The following ZFAND2A variants were observed in gnomAD, a reference collection of about 807,000 sequenced individuals.
ZFAND2A encodes AN1-type zinc finger protein 2A.
In ZFAND2A, 20 loss-of-function variants were observed where a neutral mutation model predicts 11.6. The observed-to-expected ratio is 1.72, with a 90% CI of 1.21 to 2.50. The LOEUF (loss-of-function observed/expected upper bound fraction) is 2.50. ZFAND2A is among the 30% of genes most tolerant of loss of function. The pLI, the probability that ZFAND2A is intolerant of heterozygous loss-of-function variation, is 0.00. For missense variants in ZFAND2A, 234 were observed against 182.9 expected (o/e 1.28, Z -1.61); for synonymous variants, 93 against 60.6 (o/e 1.54, Z -2.48).
In ZFAND2A at chr7:1,158,266, G is replaced by C. The variant is rs145317253; in HGVS notation, c.-45-9C>G. The C allele has an allele frequency of 2.0e-3, 3,049 of 1,538,742 alleles. 5 individuals are homozygous for C. The highest frequency in any genetic ancestry group is 6.4e-3 in the Middle Eastern group (38 of 5,898). On this transcript the variant is annotated splice_polypyrimidine_tract_variant and intron_variant, in intron 1 of 4. Transcript: ENST00000316495. ...GCGGAGTTAAGTGTCACCTACAAGA[G>C]AATCAGAATAGTTAGGAGGAAAGCT...
intron 4 of ZFAND2A, 33 bp from the exon 5 acceptor site, chr7:1,153,257 C>CT (rs754332202): frequency 1.2e-5 from 20 of 1,601,416 alleles, no homozygotes; most frequent in African/African-American, 5.4e-5. Context: ...ACAAGCAATT[C>CT]TTTTTTTGGA....
Position 1,157,760 on chromosome 7 carries a change from A to C in ZFAND2A, c.56-10T>G, listed in dbSNP as rs753755425. 6.5e-7 allele frequency: 1 copy of C among 1,540,376 alleles called. No homozygotes were observed. Among genetic ancestry groups the C allele is most frequent in the Non-Finnish European group, 8.7e-7 (1 of 1,145,286 alleles). On this transcript the variant is annotated splice_polypyrimidine_tract_variant and intron_variant, in intron 2 of 4. Transcript: ENST00000316495. ...TTTACTGGAAGAAAATCTAAAAAACAAAAAACAGGGAAGTGTTTTAACGAC... is the reference window on the plus strand; with the variant it reads ...TTTACTGGAAGAAAATCTAAAAAACCAAAAACAGGGAAGTGTTTTAACGAC...
In ZFAND2A at chr7:1,159,653, G is replaced by A. The variant is rs1158011263; in HGVS notation, c.-46+311C>T. 6.0e-5 allele frequency among the ~76,000 whole-genome samples: 3 copies of A among 50,280 alleles called. 1 individual carries two copies. Among genetic ancestry groups the A allele is most frequent in the African/African-American group, 2.5e-4 (3 of 12,196 alleles). The allele number at this position is 50,280 out of a possible 152,430, so 33.0% of individuals were successfully genotyped here. A position where few individuals can be genotyped will look rare whatever the true frequency, so the allele number is the denominator to read the frequency against. ...CAGCAGCCAGACCCCGGCAGGCCCG[G>A]TCCCCAGCAGACAGGCCGGACCCCC... On this transcript the variant is annotated intron_variant, in intron 1 of 4. Coordinates refer to ENST00000316495, the MANE Select transcript of ZFAND2A (RefSeq NM_182491.4).
downstream of ZFAND2A, among the ~76,000 whole-genome samples, chr7:1,148,987 A>G (rs1793350342): frequency 1.3e-5 from 2 of 151,544 alleles, no homozygotes; most frequent in Non-Finnish European, 1.5e-5. Flanking sequence ...TTTGAGAGAC[A>G]ACGTCTTACT....
chr7:1,152,697 T>C (rs1353367081), downstream of ZFAND2A, among the ~76,000 whole-genome samples: 2 of 151,848 alleles, frequency 1.3e-5, no homozygotes, highest in African/African-American at 4.8e-5. Context: ...AAGATGAAGG[T>C]GGAGACGGGG....
downstream of ZFAND2A, chr7:1,152,151 C>G: frequency 2.2e-6 from 3 of 1,385,368 alleles, 1 homozygote; most frequent in South Asian, 3.3e-5. Context: ...ACTGGAGCAT[C>G]GCGTCACACT....
chr7:1,150,581 G>A (rs1007168675), downstream of ZFAND2A, among the ~76,000 whole-genome samples: 14 of 152,158 alleles, frequency 9.2e-5, no homozygotes, highest in Non-Finnish European at 1.8e-4. Context: ...GGTGGAAAGT[G>A]TCAGGCCACG....
In ZFAND2A at chr7:1,155,545, TG is replaced by T. The variant is rs780833637; in HGVS notation, c.189del (p.Ile64SerfsTer3). The T allele has an allele frequency of 6.2e-7, 1 of 1,613,430 alleles. No homozygotes were observed. The highest frequency in any genetic ancestry group is 8.5e-7 in the Non-Finnish European group (1 of 1,179,694). On this transcript the variant is annotated frameshift_variant, in exon 4 of 5. Coordinates refer to ENST00000316495, the MANE Select transcript of ZFAND2A (RefSeq NM_182491.4). LOFTEE classifies it high-confidence loss of function. ...HVPVCPLCNT[P>X]IPVKKGQIPD... ...GGTATCTGGCCCTTTTTTACTGGGA[TG>T]GGGGTATTACAGAGTGGGCATACTG...
downstream of ZFAND2A, among the ~76,000 whole-genome samples, chr7:1,151,762 T>TAAAAGAAAAAAAA (rs1554344525): frequency 3.8e-4 from 33 of 87,170 alleles, no homozygotes; most frequent in Non-Finnish European, 5.2e-4. Context: ...TCATCCCTTT[T>TAAAAGAAAAAAAA]AAAAAAAAAA....
chr7:1,156,851 G>A (rs903970845), intron 3 of ZFAND2A, among the ~76,000 whole-genome samples: 5 of 152,092 alleles, frequency 3.3e-5, no homozygotes, highest in South Asian at 4.1e-4. Context: ...GGGCAGGAAG[G>A]GGCAGTGGGA....
At chr7:1,155,821 G>A (rs758410895) in intron 3 of ZFAND2A, 4 of 396,732 alleles carry the variant, frequency 1.0e-5, no homozygotes, top group South Asian at 2.8e-5. Context: ...GACTTCAGCC[G>A]ACTGCAGAAA....
Position 1,155,456 on chromosome 7 carries a change from C to G in ZFAND2A, c.279G>C (p.Glu93Asp). 1 of 1,613,486 alleles carries G rather than the reference C, an allele frequency of 6.2e-7. No homozygotes were observed. Among genetic ancestry groups the G allele is most frequent in the Non-Finnish European group, 8.5e-7 (1 of 1,179,674 alleles). The stretch of plus-strand genomic sequence containing the variant: ...CTGAGGCGGGCTCTGTCCTTACCTT[C>G]TCTTTCTTCTTCCCAGGGTGAGAGT... ...DCDSHPGKKKEKIFTYRCSKE... is the reference protein window; with the variant it reads ...DCDSHPGKKKDKIFTYRCSKE... The change falls in exon 4 of 5, where the codon GAG (glutamate) becomes GAC (aspartate). Residue 93 changes from glutamate to aspartate, a missense_variant. Coordinates refer to ENST00000316495, the MANE Select transcript of ZFAND2A (RefSeq NM_182491.4).
At chr7:1,157,377 T>C (rs532011074) in intron 3 of ZFAND2A, 4 of 264,128 alleles carry the variant, frequency 1.5e-5, no homozygotes, top group South Asian at 8.9e-5. Context: ...TAAAGTAAGC[T>C]TGGAACATAA....
At chr7:1,152,584 CCTT>C (rs1793419863), downstream of ZFAND2A, among the ~76,000 whole-genome samples, 1 of 152,224 alleles carries the variant, frequency 6.6e-6, no homozygotes, top group Admixed American at 6.5e-5. Context: ...CAGAGTGTGA[CCTT>C]CTGTGGACAC....
intron 2 of ZFAND2A, 124 bp downstream of exon 2, chr7:1,158,034 C>G (rs1562347451): frequency 2.0e-6 from 2 of 1,006,130 alleles, no homozygotes; most frequent in East Asian, 2.4e-5. Flanking sequence ...AGAACCTGCA[C>G]CAGCACAGTT....
chr7:1,158,322 T>G, intron 1 of ZFAND2A, 65 bp from the exon 2 acceptor site: 1 of 979,974 alleles, frequency 1.0e-6, no homozygotes, highest in Non-Finnish European at 1.6e-6. Flanking sequence ...GGATTTACAA[T>G]GTAATTACAG....
At chr7:1,153,660 T>C (rs888788044) in intron 4 of ZFAND2A, among the ~76,000 whole-genome samples, 1 of 152,216 alleles carries the variant, frequency 6.6e-6, no homozygotes, top group African/African-American at 2.4e-5. Context: ...AAGAAGAACA[T>C]GGGGCTGGAC....
rs370480157 is a variant in ZFAND2A, at chr7:1,155,469, C to T, written c.266G>A (p.Gly89Glu). Residue 89 changes from glycine (G) to glutamate (E), a missense_variant, in exon 4 of 5, where the codon GGG (glycine) becomes GAG (glutamate). By Grantham distance (98) the Gly-to-Glu change is moderately conservative (BLOSUM62 -2). Coordinates refer to ENST00000316495, the MANE Select transcript of ZFAND2A (RefSeq NM_182491.4). ...TGTCCTTACCTTCTCTTTCTTCTTC[C>T]CAGGGTGAGAGTCACAGTCTCTGTC... Reference protein sequence around the residue: ...HIDRDCDSHPGKKKEKIFTYR... With the variant: ...HIDRDCDSHPEKKKEKIFTYR... 3 of 1,613,570 alleles carry T rather than the reference C, an allele frequency of 1.9e-6. No homozygotes were observed. In the African/African-American group the frequency reaches 4.0e-5, roughly 22 times the overall value.
chr7:1,158,244 G>A lies in ZFAND2A; in HGVS notation c.-32C>T. ...AACAGTGCTCAAAACGCAGATGGCG[G>A]AGTTAAGTGTCACCTACAAGAGAAT... On this transcript the variant is annotated 5_prime_UTR_variant, in exon 2 of 5. Coordinates refer to ENST00000316495, the MANE Select transcript of ZFAND2A (RefSeq NM_182491.4). 1 of 1,606,086 alleles carries A rather than the reference G, an allele frequency of 6.2e-7. No individual in the cohort carries two copies. Among genetic ancestry groups the A allele is most frequent in the Non-Finnish European group, 8.5e-7 (1 of 1,173,512 alleles).
Sources: allele counts gnomAD v4.1 joint callset (sites outside exome capture counted in the v4.1 genomes callset), GRCh38; gene constraint gnomAD v4.1.1; transcripts MANE v1.5; gene names NCBI Gene and HGNC (gene_info 2026-07-23, HGNC 2026-07-21).